Variants in TECRL observed in about 807,000 individuals in gnomAD.
The protein encoded by TECRL is trans-2,3-enoyl-CoA reductase like.
TECRL carries 63 observed loss-of-function variants against 52.8 expected under a neutral mutation model. The observed-to-expected ratio is 1.19, with a 90% CI of 0.97 to 1.47. The LOEUF (loss-of-function observed/expected upper bound fraction) is 1.47. Ranked by LOEUF, TECRL falls within the 40% of genes most tolerant of loss-of-function variation. TECRL has a pLI of 0.00. For missense variants in TECRL, 482 were observed against 429.6 expected, an observed-to-expected ratio of 1.12 and a Z score of -1.08; for synonymous variants, 164 against 141.9, an observed-to-expected ratio of 1.16 and a Z score of -1.10.
chr4:64,329,270 T>C (rs1055570419), intron 2 of TECRL, among the ~76,000 whole-genome samples: 1 of 151,976 alleles, frequency 6.6e-6, no homozygotes, highest in Non-Finnish European at 1.5e-5. Context: ...TTCTTAACTT[T>C]GAGATTAAAC....
chr4:64,340,058 T>G (rs590150), intron 2 of TECRL, among the ~76,000 whole-genome samples: 151,699 of 152,264 alleles, frequency 1, 75,568 homozygotes, highest in Middle Eastern at 1. Context: ...TATACAGAGA[T>G]AATTTTCCTG....
At chr4:64,335,551 C>A (rs1347637904) in intron 2 of TECRL, among the ~76,000 whole-genome samples, 1 of 152,168 alleles carries the variant, frequency 6.6e-6, no homozygotes, top group African/African-American at 2.4e-5. Flanking sequence ...CTCCCTACAT[C>A]CCCTGTGTGT....
intron 1 of TECRL, among the ~76,000 whole-genome samples, chr4:64,388,406 C>T (rs947138892): frequency 6.6e-6 from 1 of 151,776 alleles, no homozygotes; most frequent in Non-Finnish European, 1.5e-5. Context: ...ACTAATATCA[C>T]ATTTTCTTGC....
At chr4:64,293,453 C>G (rs1023028176) in intron 8 of TECRL, among the ~76,000 whole-genome samples, 6 of 151,426 alleles carry the variant, frequency 4.0e-5, no homozygotes, top group African/African-American at 1.5e-4. Context: ...AAAAATACAC[C>G]CTGTTAAATC....
At chr4:64,299,522 C>T (rs1446165908) in intron 8 of TECRL, among the ~76,000 whole-genome samples, 1 of 150,970 alleles carries the variant, frequency 6.6e-6, no homozygotes, top group Non-Finnish European at 1.5e-5. Flanking sequence ...TTACATATAA[C>T]AATCTAAAGA....
intron 2 of TECRL, among the ~76,000 whole-genome samples, chr4:64,374,081 A>ATATATATATATATATATATATATT (rs1242146303): frequency 5.9e-5 from 6 of 101,168 alleles, no homozygotes; most frequent in African/African-American, 2.3e-4. Context: ...ATATATATAT[A>ATATATATATATATATATATATATT]TTTATCTTTT....
At chr4:64,349,392 A>G (rs1720224133) in intron 2 of TECRL, among the ~76,000 whole-genome samples, 1 of 152,026 alleles carries the variant, frequency 6.6e-6, no homozygotes, top group African/African-American at 2.4e-5. Context: ...CGGCCTCCCA[A>G]AGTGCTAGGA....
At position 64,289,681 on chromosome 4, in the gene TECRL, A is replaced by G. The variant is rs2109946235; in HGVS notation, c.832+29T>C. ...AATAATTGTTAACATAATTCACTCT[A>G]AAGAAAAGAAAAAGAAAAAAGAACT... On this transcript the variant is annotated intron_variant, in intron 9 of 11. Transcript: ENST00000381210. 3 of 1,452,534 alleles carry G rather than the reference A, an allele frequency of 2.1e-6. No homozygotes were observed. In the East Asian group the frequency reaches 8.0e-5, roughly 39 times the overall value. 90.0% of individuals were successfully genotyped at this position (1,452,534 alleles called of 1,614,324 possible). A position where few individuals can be genotyped will look rare whatever the true frequency, so the allele number is the denominator to read the frequency against.
intron 8 of TECRL, among the ~76,000 whole-genome samples, chr4:64,296,780 G>A (rs773868363): frequency 2.0e-4 from 30 of 151,698 alleles, no homozygotes; most frequent in African/African-American, 7.2e-4. Context: ...CAGAGGATGA[G>A]GTGGGGTCAT....
chr4:64,326,590 C>A lies in TECRL; in HGVS notation c.331+1922G>T, dbSNP rs150730283. On this transcript the variant is annotated intron_variant, in intron 3 of 11. Transcript: ENST00000381210. ...ACTCCCAGCTTGTGAGTAGTCCAAA[C>A]TATTTTGCTGAGGGGTGAGAGACCA... Among the ~76,000 whole-genome samples the A allele has an allele frequency of 1.9e-4, 29 of 152,210 alleles. 1 individual carries two copies. Among genetic ancestry groups the A allele is most frequent in the African/African-American group, 7.0e-4 (29 of 41,562 alleles).
chr4:64,404,960 CTTTA>C (rs1314742950), intron 1 of TECRL, among the ~76,000 whole-genome samples: 1 of 152,010 alleles, frequency 6.6e-6, no homozygotes, highest in Non-Finnish European at 1.5e-5. Flanking sequence ...TGTTTAAACA[CTTTA>C]TTTGTGTTAA....
chr4:64,377,853 G>A (rs1037605115), intron 1 of TECRL, among the ~76,000 whole-genome samples: 1 of 151,834 alleles, frequency 6.6e-6, no homozygotes, highest in African/African-American at 2.4e-5. Flanking sequence ...CCGTATTTTA[G>A]CCACTTTCAC....
At chr4:64,329,752 T>C (rs1038087899) in intron 2 of TECRL, among the ~76,000 whole-genome samples, 5 of 151,854 alleles carry the variant, frequency 3.3e-5, no homozygotes, top group African/African-American at 1.2e-4. Context: ...GATTACAACT[T>C]TTCAATGCAT....
At chr4:64,376,990 A>G (rs141552173) in intron 1 of TECRL, among the ~76,000 whole-genome samples, 298 of 152,200 alleles carry the variant, frequency 2.0e-3, no homozygotes, top group Non-Finnish European at 3.0e-3. Flanking sequence ...CAAAAGCTGT[A>G]TGCCATTCTC....
chr4:64,402,670 A>G (rs1424871464), intron 1 of TECRL, among the ~76,000 whole-genome samples: 2 of 152,142 alleles, frequency 1.3e-5, no homozygotes, highest in African/African-American at 2.4e-5. Flanking sequence ...CAAAATGTGT[A>G]TTGAGCCTGA....
chr4:64,313,772 G>C (rs1717253685), intron 5 of TECRL, among the ~76,000 whole-genome samples: 2 of 150,310 alleles, frequency 1.3e-5, no homozygotes, highest in African/African-American at 4.9e-5. Flanking sequence ...TGAGCCACCA[G>C]CACGGCTGCC....
intron 1 of TECRL, among the ~76,000 whole-genome samples, chr4:64,398,358 G>T (rs941045890): frequency 6.6e-5 from 10 of 152,200 alleles, no homozygotes; most frequent in African/African-American, 2.4e-4. Context: ...GGAGGGAAAT[G>T]AATCATGGGG....
chr4:64,402,995 T>C (rs1724460968), intron 1 of TECRL, among the ~76,000 whole-genome samples: 1 of 152,140 alleles, frequency 6.6e-6, no homozygotes, highest in South Asian at 2.1e-4. Context: ...TCTGTGCTTC[T>C]TAGCCATATT....
chr4:64,277,730 A>G lies in TECRL; in HGVS notation c.*2342T>C, dbSNP rs1393598715. 2 of 151,876 alleles carry G rather than the reference A, an allele frequency of 1.3e-5. No homozygotes were observed. Among genetic ancestry groups the G allele is most frequent in the African/African-American group, 2.4e-5 (1 of 41,454 alleles). The allele number at this position is 151,876 out of a possible 1,614,324, so 9.4% of individuals were successfully genotyped here. A position where few individuals can be genotyped will look rare whatever the true frequency, so the allele number is the denominator to read the frequency against. Reference sequence around the variant, plus strand: ...AATGAACATATTTTATAACATATGTATAATCTGAGAATTGAAAATACTCCA... The same window carrying G: ...AATGAACATATTTTATAACATATGTGTAATCTGAGAATTGAAAATACTCCA... On this transcript the variant is annotated 3_prime_UTR_variant, in exon 12 of 12. Coordinates refer to ENST00000381210, the MANE Select transcript of TECRL (RefSeq NM_001010874.5).
Sources: allele counts gnomAD v4.1 joint callset (sites outside exome capture counted in the v4.1 genomes callset), GRCh38; gene constraint gnomAD v4.1.1; transcripts MANE v1.5; gene names NCBI Gene and HGNC (gene_info 2026-07-23, HGNC 2026-07-21).